The following STK3 variants were observed in gnomAD, a reference collection of about 807,000 sequenced individuals.
STK3 encodes serine/threonine-protein kinase 3.
A neutral mutation model predicts 58.0 loss-of-function variants in STK3; 41 were observed. That is an observed-to-expected ratio of 0.71 (90% CI 0.55 to 0.92). STK3 has a LOEUF of 0.92. Ranked by LOEUF, STK3 falls within the 40% of genes least tolerant of loss-of-function variation. The pLI, the probability that STK3 is intolerant of heterozygous loss-of-function variation, is 0.00. For missense variants in STK3, 479 were observed against 602.7 expected (o/e 0.79, Z 2.15); for synonymous variants, 170 against 191.0 (o/e 0.89, Z 0.91).
chr8:98,884,378 G>A (rs1422989068), intron 1 of STK3, among the ~76,000 whole-genome samples: 1 of 152,008 alleles, frequency 6.6e-6, no homozygotes, highest in African/African-American at 2.4e-5. Flanking sequence ...TCCCCATTTG[G>A]AGGTAATCTC....
At chr8:98,484,509 T>A (rs1822092792) in intron 10 of STK3, among the ~76,000 whole-genome samples, 1 of 152,032 alleles carries the variant, frequency 6.6e-6, no homozygotes, top group Admixed American at 6.5e-5. Flanking sequence ...GAGCGAAGAG[T>A]CCACATTAAA....
chr8:98,396,927 G>A (rs1817902245), downstream of STK3, among the ~76,000 whole-genome samples: 1 of 152,180 alleles, frequency 6.6e-6, no homozygotes, highest in Non-Finnish European at 1.5e-5. Flanking sequence ...CCTATTCTAA[G>A]TTCTTTGTGA....
At chr8:98,720,775 A>C (rs1183851398) in intron 4 of STK3, among the ~76,000 whole-genome samples, 1 of 151,368 alleles carries the variant, frequency 6.6e-6, no homozygotes, top group Non-Finnish European at 1.5e-5. Context: ...AAAAAGAAAA[A>C]CTGGGGGTTT....
At chr8:98,747,526 ACT>A (rs1829719698) in intron 4 of STK3, among the ~76,000 whole-genome samples, 1 of 152,166 alleles carries the variant, frequency 6.6e-6, no homozygotes, top group Non-Finnish European at 1.5e-5. Context: ...AAGAGTTAAC[ACT>A]CTAGTGAACA....
chr8:98,598,833 T>C (rs561914147), intron 6 of STK3: 2 of 985,420 alleles, frequency 2.0e-6, no homozygotes, highest in African/African-American at 1.7e-5. Flanking sequence ...CTTAACTACA[T>C]ACCAAACCTC....
rs544507977 is a variant in STK3 at position 98,734,047 on chromosome 8, G to A, written c.351+15229C>T. ...AAACACCGAATTCTCATGGCACAGCGGGAGAGAGGATGAAGGGGGAAGTGC... is the reference window on the plus strand; with the variant it reads ...AAACACCGAATTCTCATGGCACAGCAGGAGAGAGGATGAAGGGGGAAGTGC... On this transcript the variant is annotated intron_variant, in intron 4 of 10. Transcript: ENST00000419617. 5.3e-5 allele frequency among the ~76,000 whole-genome samples: 8 copies of A among 152,212 alleles called. No homozygotes were observed. The East Asian group carries it at 7.7e-4, about 15-fold the overall frequency.
intron 4 of STK3, among the ~76,000 whole-genome samples, chr8:98,725,592 T>C (rs748866340): frequency 1.3e-5 from 2 of 152,206 alleles, no homozygotes; most frequent in Non-Finnish European, 2.9e-5. Context: ...TTAACTTATA[T>C]ATATTTCTTG....
intron 6 of STK3, chr8:98,651,808 G>A (rs563732168): frequency 6.6e-6 from 1 of 151,958 alleles, no homozygotes; most frequent in African/African-American, 2.4e-5. Flanking sequence ...AATGAACAAA[G>A]CCTCCAAGAA....
At chr8:98,404,446 C>T (rs1337932802) in intron 3 of STK3, among the ~76,000 whole-genome samples, 5 of 151,928 alleles carry the variant, frequency 3.3e-5, no homozygotes, top group Middle Eastern at 3.2e-3. Context: ...TTTGGGAGGC[C>T]GAGACGGGTG....
downstream of STK3, among the ~76,000 whole-genome samples, chr8:98,453,850 C>T (rs1303381271): frequency 1.3e-5 from 2 of 152,074 alleles, no homozygotes; most frequent in African/African-American, 2.4e-5. Context: ...GGCAAGATAT[C>T]GAACAGGTTA....
chr8:98,593,488 G>A (rs939939552), intron 7 of STK3, among the ~76,000 whole-genome samples: 6 of 152,158 alleles, frequency 3.9e-5, no homozygotes, highest in African/African-American at 7.2e-5. Context: ...ACTGGTACCT[G>A]CCTTGGCCTG....
chr8:98,465,900 G>GT (rs1462545116), intron 10 of STK3, among the ~76,000 whole-genome samples: 5 of 152,120 alleles, frequency 3.3e-5, no homozygotes, highest in Non-Finnish European at 7.4e-5. Flanking sequence ...TCCGTTTCTG[G>GT]TAAGTAGCTT....
intron 6 of STK3, among the ~76,000 whole-genome samples, chr8:98,700,975 C>G (rs916973164): frequency 6.6e-6 from 1 of 152,158 alleles, no homozygotes; most frequent in African/African-American, 2.4e-5. Flanking sequence ...TGCACTCCAG[C>G]CTGGGTGACA....
At chr8:98,580,595 A>G (rs1035579517) in intron 7 of STK3, among the ~76,000 whole-genome samples, 20 of 152,184 alleles carry the variant, frequency 1.3e-4, no homozygotes, top group African/African-American at 4.6e-4. Flanking sequence ...AAGTGACCTG[A>G]CTGAGTGAGT....
At chr8:98,479,504 G>T (rs1038383764) in intron 10 of STK3, among the ~76,000 whole-genome samples, 1 of 28,178 alleles carries the variant, frequency 3.5e-5, no homozygotes, top group African/African-American at 1.5e-4. Context: ...GGGGGGGGGC[G>T]GGAAAGGTGA....
chr8:98,696,348 T>C (rs1730330674), intron 6 of STK3, among the ~76,000 whole-genome samples: 1 of 151,712 alleles, frequency 6.6e-6, no homozygotes, highest in Admixed American at 6.6e-5. Flanking sequence ...TACCCTTTAT[T>C]TCCTTCTCCT....
intron 10 of STK3, among the ~76,000 whole-genome samples, chr8:98,522,770 G>A (rs1332085829): frequency 6.6e-6 from 1 of 151,984 alleles, no homozygotes; most frequent in African/African-American, 2.4e-5. Context: ...ACTATTATAG[G>A]TAACTCATAT....
intron 1 of STK3, chr8:98,379,224 C>A (rs1446647621): frequency 6.6e-6 from 1 of 152,182 alleles, no homozygotes; most frequent in Non-Finnish European, 1.5e-5. Flanking sequence ...GGAAAAATAA[C>A]CTTCGTGAAA....
intron 3 of STK3, among the ~76,000 whole-genome samples, chr8:98,840,301 C>T (rs1363227707): frequency 5.5e-5 from 8 of 146,140 alleles, no homozygotes; most frequent in Non-Finnish European, 1.2e-4. Flanking sequence ...GAGCCAAGAA[C>T]GCACCACTCC....
Sources: allele counts gnomAD v4.1 joint callset (sites outside exome capture counted in the v4.1 genomes callset), GRCh38; gene constraint gnomAD v4.1.1; transcripts MANE v1.5; gene names NCBI Gene and HGNC (gene_info 2026-07-23, HGNC 2026-07-21).